ZNF146: variants seen among roughly 807,000 people sequenced by gnomAD.
The protein encoded by ZNF146 is zinc finger protein OZF.
ZNF146 carries 9 observed loss-of-function variants against 22.2 expected under a neutral mutation model. That is an observed-to-expected ratio of 0.41 (90% CI 0.24 to 0.71). ZNF146 has a LOEUF of 0.71. Ranked by LOEUF, ZNF146 falls within the 30% of genes least tolerant of loss-of-function variation. ZNF146 has a pLI of 0.34. For synonymous variants in ZNF146, 108 were observed against 119.2 expected, an observed-to-expected ratio of 0.91 and a Z score of 0.61; for missense variants, 194 against 344.8, an observed-to-expected ratio of 0.56 and a Z score of 3.46.
chr19:36,224,207 C>A (rs991150706), intron 2 of ZNF146, among the ~76,000 whole-genome samples: 1 of 152,140 alleles, frequency 6.6e-6, no homozygotes, highest in Non-Finnish European at 1.5e-5. Context: ...TATGGAGAAA[C>A]CCTGTCTCTA....
At chr19:36,232,654 G>A (rs1053971965) in intron 3 of ZNF146, among the ~76,000 whole-genome samples, 2 of 150,008 alleles carry the variant, frequency 1.3e-5, no homozygotes, top group Non-Finnish European at 3.0e-5. Flanking sequence ...TGTCACCCAG[G>A]CTGGAGTGCA....
chr19:36,237,949 GAC>G lies in ZNF146; in HGVS notation c.*631_*632del. On this transcript the variant is annotated 3_prime_UTR_variant, in exon 4 of 4. Coordinates refer to ENST00000443387, the MANE Select transcript of ZNF146 (RefSeq NM_007145.3). ...AAAAGCTATGTACTAAAATGCATATGACCTTGGGAATAGGGAAACATTCCTTG... is the reference window on the plus strand; with the variant it reads ...AAAAGCTATGTACTAAAATGCATATGCTTGGGAATAGGGAAACATTCCTTG... The G allele has an allele frequency of 3.6e-5, 6 of 167,154 alleles. No homozygotes were observed. The allele number at this position is 167,154 out of a possible 1,614,324, so 10.4% of individuals were successfully genotyped here. A position where few individuals can be genotyped will look rare whatever the true frequency, so the allele number is the denominator to read the frequency against.
chr19:36,226,920 C>T (rs1461440742), intron 2 of ZNF146, among the ~76,000 whole-genome samples: 1 of 151,730 alleles, frequency 6.6e-6, no homozygotes, highest in Non-Finnish European at 1.5e-5. Flanking sequence ...TCCGTCTCTA[C>T]TGAAAATAAA....
intron 3 of ZNF146, among the ~76,000 whole-genome samples, chr19:36,234,452 A>G (rs570360330): frequency 6.6e-6 from 1 of 152,296 alleles, no homozygotes; most frequent in Middle Eastern, 3.4e-3. Flanking sequence ...TACCCAGTCT[A>G]TGTTCACATT....
chr19:36,227,741 C>T (rs191210956), intron 2 of ZNF146, among the ~76,000 whole-genome samples: 28 of 152,194 alleles, frequency 1.8e-4, no homozygotes, highest in East Asian at 7.8e-4. Flanking sequence ...TTTATAAGGA[C>T]GGTGTGTCAC....
chr19:36,220,456 C>T (rs748834890), intron 2 of ZNF146, among the ~76,000 whole-genome samples: 1 of 152,026 alleles, frequency 6.6e-6, no homozygotes, highest in Non-Finnish European at 1.5e-5. Flanking sequence ...TCTCCGCCTC[C>T]TGGGTTCAAG....
At position 36,218,406 on chromosome 19, in the gene ZNF146, A is replaced by G. The variant is rs1483973317; in HGVS notation, c.-855+211A>G. 3.9e-5 allele frequency among the ~76,000 whole-genome samples: 6 copies of G among 152,234 alleles called. No individual in the cohort carries two copies. In the South Asian group the frequency reaches 1.2e-3, roughly 32 times the overall value. On this transcript the variant is annotated intron_variant, in intron 2 of 3. Coordinates refer to ENST00000443387, the MANE Select transcript of ZNF146 (RefSeq NM_007145.3). ...AAAAAATGCTTCCTCAGAAAATATT[A>G]TAGTCCTGTGTCTGGTAGGAATTTC...
intron 3 of ZNF146, among the ~76,000 whole-genome samples, chr19:36,231,277 G>C (rs1028269778): frequency 6.6e-6 from 1 of 151,748 alleles, no homozygotes; most frequent in African/African-American, 2.4e-5. Context: ...TGGTGCCATC[G>C]TGGCTCACCG....
chr19:36,221,927 C>CTTTTTTTTTT (rs60347994), intron 2 of ZNF146, among the ~76,000 whole-genome samples: 16 of 109,874 alleles, frequency 1.5e-4, no homozygotes, highest in Admixed American at 2.2e-4. Context: ...TTTTTTCTTT[C>CTTTTTTTTTT]TTTTTTTTTT....
intron 3 of ZNF146, among the ~76,000 whole-genome samples, chr19:36,233,290 G>A (rs1977472021): frequency 1.3e-5 from 2 of 152,138 alleles, no homozygotes; most frequent in Non-Finnish European, 2.9e-5. Flanking sequence ...GAGGCTTCAA[G>A]AATCACTTGA....
intron 3 of ZNF146, among the ~76,000 whole-genome samples, chr19:36,230,290 T>TA (rs1250422709): frequency 6.6e-6 from 1 of 152,228 alleles, no homozygotes; most frequent in Non-Finnish European, 1.5e-5. Context: ...TATTGCATGA[T>TA]ATGTATTAGG....
chr19:36,235,214 AAAAAAAG>A lies in ZNF146; in HGVS notation c.-782-442_-782-436del, dbSNP rs1977598782. ...ACGAGCGAAATTCCGTCTCAAAAAA[AAAAAAAG>A]AAGAAAGAAAGATGAACATTATTTT... is the stretch of plus-strand genomic sequence containing the variant. On this transcript the variant is annotated intron_variant, in intron 3 of 3. Coordinates refer to ENST00000443387, the MANE Select transcript of ZNF146 (RefSeq NM_007145.3). Among the ~76,000 whole-genome samples, 5 of 141,576 alleles carry A rather than the reference AAAAAAAG, an allele frequency of 3.5e-5. No homozygotes were observed. The South Asian group carries it at 1.1e-3, about 30-fold the overall frequency. The allele number at this position is 141,576 out of a possible 152,430, so 92.9% of individuals were successfully genotyped here. A position where few individuals can be genotyped will look rare whatever the true frequency, so the allele number is the denominator to read the frequency against.
intron 3 of ZNF146, among the ~76,000 whole-genome samples, chr19:36,232,011 T>C (rs1396932357): frequency 6.6e-6 from 1 of 151,978 alleles, no homozygotes; most frequent in Admixed American, 6.6e-5. Flanking sequence ...GAGACTGGCC[T>C]GGCCAACATG....
At chr19:36,235,267 A>G (rs1175639378) in intron 3 of ZNF146, among the ~76,000 whole-genome samples, 1 of 151,618 alleles carries the variant, frequency 6.6e-6, no homozygotes, top group East Asian at 1.9e-4. Flanking sequence ...CATCCCAGGT[A>G]GACTTTCTAA....
chr19:36,221,927 CTTTTT>C (rs60347994), intron 2 of ZNF146, among the ~76,000 whole-genome samples: 11 of 109,912 alleles, frequency 1.0e-4, no homozygotes, highest in South Asian at 3.1e-4. Flanking sequence ...TTTTTTCTTT[CTTTTT>C]TTTTTTTTTT....
At chr19:36,229,020 G>A (rs189988219) in intron 3 of ZNF146, among the ~76,000 whole-genome samples, 2 of 152,290 alleles carry the variant, frequency 1.3e-5, no homozygotes, top group South Asian at 2.1e-4. Flanking sequence ...GAGGGGCCAG[G>A]CGCCCCTCCT....
chr19:36,216,318 G>C (rs1482014780), intron 1 of ZNF146, among the ~76,000 whole-genome samples: 1 of 152,096 alleles, frequency 6.6e-6, no homozygotes, highest in East Asian at 1.9e-4. Context: ...ATTAAGAAGT[G>C]TGCGCAAACT....
In ZNF146 at chr19:36,237,356, A is replaced by G. The variant is rs780646793; in HGVS notation, c.*37A>G. 3.9e-6 allele frequency: 6 copies of G among 1,551,626 alleles called. No homozygotes were observed. Among genetic ancestry groups the G allele is most frequent in the East Asian group, 2.3e-5 (1 of 44,316 alleles). On this transcript the variant is annotated 3_prime_UTR_variant, in exon 4 of 4. Transcript: ENST00000443387. ...AAGCCTTGAAAGTGGGAAAGCTTTC[A>G]TTAGAAATTTGCACCTCATCATGCC...
Position 36,236,405 on chromosome 19 carries a change from G to T in ZNF146, c.-36G>T, listed in dbSNP as rs767142124. On this transcript the variant is annotated 5_prime_UTR_variant, in exon 4 of 4. Transcript: ENST00000443387. The stretch of plus-strand genomic sequence containing the variant: ...CACTCATCAAGAAATTTTTACTGGA[G>T]AGAAACCTTGTGAATGTGGGAAAGC... 1 of 1,555,738 alleles carries T rather than the reference G, an allele frequency of 6.4e-7. No homozygotes were observed. The highest frequency in any genetic ancestry group is 8.7e-7 in the Non-Finnish European group (1 of 1,155,838).
Sources: allele counts gnomAD v4.1 joint callset (sites outside exome capture counted in the v4.1 genomes callset), GRCh38; gene constraint gnomAD v4.1.1; transcripts MANE v1.5; gene names NCBI Gene and HGNC (gene_info 2026-07-23, HGNC 2026-07-21).